Variants in RBFOX1 observed in about 807,000 individuals in gnomAD.
RBFOX1 encodes RNA binding protein fox-1 homolog 1.
Under a neutral mutation model 57.7 loss-of-function variants are expected in RBFOX1, and 8 were observed. The ratio of observed to expected loss-of-function variants is 0.14; its 90% CI spans 0.08 to 0.25. The LOEUF (loss-of-function observed/expected upper bound fraction) is 0.25, where lower values mean the gene tolerates loss of function less well. Among genes scored for constraint, RBFOX1 ranks in the 10% least tolerant of loss-of-function variants. The probability of loss-of-function intolerance (pLI) is 1.00; values close to 1 mark genes in which losing one functional copy is unlikely to be tolerated. For missense variants in RBFOX1, 611 were observed against 548.5 expected, an observed-to-expected ratio of 1.11 and a Z score of -1.14; for synonymous variants, 326 against 222.4, an observed-to-expected ratio of 1.47 and a Z score of -4.15.
intron 4 of RBFOX1, among the ~76,000 whole-genome samples, chr16:5,996,452 A>ATT (rs35219123): frequency 6.8e-6 from 1 of 147,712 alleles, no homozygotes. Context: ...TGTGAGGGTG[A>ATT]TTTTTTTTTT....
In RBFOX1 at chr16:7,709,103, C is replaced by A. The variant is rs2083431654; in HGVS notation, c.1043C>A (p.Pro348Gln). 1.9e-6 allele frequency: 3 copies of A among 1,613,538 alleles called. No individual in the cohort carries two copies. The highest frequency in any genetic ancestry group is 2.5e-6 in the Non-Finnish European group (3 of 1,179,676). The change falls in exon 15 of 16, where the codon CCA becomes CAA. Residue 348 changes from proline to glutamine, a missense_variant. Pro to Gln is a moderately conservative substitution (Grantham distance 76). Coordinates refer to ENST00000550418, the MANE Select transcript of RBFOX1 (RefSeq NM_018723.4). ...GACCCCTACCACCACGCACTTGCTCCAGCCCCCACCTACGGCGTTGGTGCC... is the reference window on the plus strand; with the variant it reads ...GACCCCTACCACCACGCACTTGCTCAAGCCCCCACCTACGGCGTTGGTGCC... ...AADPYHHALA[P>Q]APTYGVGAMN...
At chr16:6,325,173 TA>T (rs781182537) in intron 2 of RBFOX1, among the ~76,000 whole-genome samples, 9 of 151,948 alleles carry the variant, frequency 5.9e-5, no homozygotes, top group Non-Finnish European at 1.3e-4. Flanking sequence ...CTGGGCAACA[TA>T]GTGATAACCC....
chr16:6,993,319 A>G lies in RBFOX1; in HGVS notation c.-15-58738A>G, dbSNP rs199623054. Among the ~76,000 whole-genome samples, 8 of 152,240 alleles carry G rather than the reference A, an allele frequency of 5.3e-5. No homozygotes were observed. The East Asian group carries it at 1.3e-3, about 26-fold the overall frequency. On this transcript the variant is annotated intron_variant, in intron 3 of 15. Transcript: ENST00000550418. ...TGAGAATCAGGATCTCTTGAAAAAG[A>G]TAACACATCAGTAGTATTAAAAACT...
chr16:6,619,687 CTTTTTTTTTT>C (rs34849467), intron 2 of RBFOX1, among the ~76,000 whole-genome samples: 1 of 117,948 alleles, frequency 8.5e-6, no homozygotes, highest in Non-Finnish European at 1.7e-5. Flanking sequence ...TGTTGGTTTC[CTTTTTTTTTT>C]TTTTTTTTTT....
chr16:6,537,987 C>G (rs1004239123), intron 2 of RBFOX1, among the ~76,000 whole-genome samples: 28 of 151,516 alleles, frequency 1.8e-4, no homozygotes, highest in African/African-American at 5.8e-4. Context: ...CAGATTAATT[C>G]TATCTTTGTT....
At chr16:5,264,256 C>G (rs114427270) in intron 1 of RBFOX1, among the ~76,000 whole-genome samples, 119 of 152,204 alleles carry the variant, frequency 7.8e-4, no homozygotes, top group African/African-American at 2.6e-3. Context: ...GCATTAGAAT[C>G]AAGCTATAAA....
chr16:6,964,064 G>C (rs141148718), intron 3 of RBFOX1, among the ~76,000 whole-genome samples: 33 of 151,844 alleles, frequency 2.2e-4, no homozygotes, highest in African/African-American at 8.0e-4. Flanking sequence ...TGTCACCCAG[G>C]CTGGAGTGCA....
At chr16:6,683,195 AAAAAT>A (rs1470460075) in intron 3 of RBFOX1, among the ~76,000 whole-genome samples, 7 of 152,208 alleles carry the variant, frequency 4.6e-5, no homozygotes, top group Non-Finnish European at 8.8e-5. Flanking sequence ...TGTCACATAA[AAAAAT>A]AAAAAGGGTG....
At chr16:7,113,410 C>G (rs374285052) in intron 4 of RBFOX1, among the ~76,000 whole-genome samples, 1 of 152,160 alleles carries the variant, frequency 6.6e-6, no homozygotes, top group African/African-American at 2.4e-5. Context: ...AGTTTCCCTT[C>G]TTTCTCATCT....
intron 3 of RBFOX1, among the ~76,000 whole-genome samples, chr16:5,799,921 A>G (rs2055004938): frequency 6.6e-6 from 1 of 152,134 alleles, no homozygotes; most frequent in African/African-American, 2.4e-5. Context: ...GTTGCTATAT[A>G]TGGGTGTTCT....
At chr16:6,997,786 G>C (rs2092395612) in intron 3 of RBFOX1, among the ~76,000 whole-genome samples, 1 of 152,016 alleles carries the variant, frequency 6.6e-6, no homozygotes. Context: ...TCAATTCCCT[G>C]TTTCTCTGAG....
intron 9 of RBFOX1, among the ~76,000 whole-genome samples, chr16:7,601,998 C>G (rs1425258794): frequency 6.6e-6 from 1 of 152,162 alleles, no homozygotes; most frequent in African/African-American, 2.4e-5. Context: ...TCTCTGACAT[C>G]CTTAGTATAT....
chr16:6,898,211 C>T (rs1401282728), intron 3 of RBFOX1, among the ~76,000 whole-genome samples: 1 of 152,130 alleles, frequency 6.6e-6, no homozygotes, highest in African/African-American at 2.4e-5. Flanking sequence ...GTGGAGTTTG[C>T]ACCCATGGCC....
intron 3 of RBFOX1, among the ~76,000 whole-genome samples, chr16:6,979,892 C>G (rs1205041421): frequency 6.6e-6 from 1 of 152,048 alleles, no homozygotes; most frequent in East Asian, 1.9e-4. Flanking sequence ...CTAGGTGTGG[C>G]CACAGGACAA....
intron 1 of RBFOX1, among the ~76,000 whole-genome samples, chr16:5,331,916 C>A (rs2151275730): frequency 6.6e-6 from 1 of 152,356 alleles, no homozygotes; most frequent in South Asian, 2.1e-4. Context: ...AGCCTCTTGA[C>A]CCTTCAGGTG....
intron 3 of RBFOX1, among the ~76,000 whole-genome samples, chr16:6,762,778 C>G (rs918375193): frequency 6.6e-6 from 1 of 152,068 alleles, no homozygotes; most frequent in East Asian, 1.9e-4. Context: ...AGGGGGTAGT[C>G]AGGAAGACAG....
intron 4 of RBFOX1, among the ~76,000 whole-genome samples, chr16:5,907,271 C>T (rs567969963): frequency 6.6e-5 from 10 of 151,898 alleles, no homozygotes; most frequent in Non-Finnish European, 1.0e-4. Context: ...GTGGAGTTCT[C>T]ATCCTGCCTC....
At chr16:6,940,675 G>T (rs1306059711) in intron 3 of RBFOX1, among the ~76,000 whole-genome samples, 1 of 151,988 alleles carries the variant, frequency 6.6e-6, no homozygotes, top group African/African-American at 2.4e-5. Flanking sequence ...TCAGCTCACT[G>T]CAAGCTCCGC....
intron 3 of RBFOX1, among the ~76,000 whole-genome samples, chr16:6,863,869 G>C (rs1486862931): frequency 6.6e-6 from 1 of 151,128 alleles, no homozygotes; most frequent in African/African-American, 2.4e-5. Context: ...TTCTTTACTG[G>C]TATTTTGAAT....
Sources: gnomAD v4.1 joint callset for allele counts (sites outside exome capture counted in the v4.1 genomes callset) on GRCh38, gnomAD v4.1.1 for gene constraint, MANE v1.5 for transcripts, NCBI Gene and HGNC (gene_info 2026-07-23, HGNC 2026-07-21) for gene names.